Variants in NBAS observed in about 807,000 individuals in gnomAD.
NBAS encodes NBAS subunit of NRZ tethering complex, also known as NAG/BC035112 fusion.
Under a neutral mutation model 302.5 loss-of-function variants are expected in NBAS, and 219 were observed. The ratio of observed to expected loss-of-function variants is 0.72; its 90% CI spans 0.65 to 0.81. The LOEUF is 0.81. NBAS is among the 30% of genes least tolerant of loss of function. The pLI is 0.00. For synonymous variants in NBAS, 1,118 were observed against 1,021.6 expected (o/e 1.09, Z -1.80); for missense variants, 2,932 against 2,841.6 (o/e 1.03, Z -0.72).
the NBAS span, among the ~76,000 whole-genome samples, chr2:14,806,225 G>GA: frequency 6.6e-6 from 1 of 152,078 alleles, no homozygotes; most frequent in African/African-American, 2.4e-5. Flanking sequence ...ACCATACTTT[G>GA]AGAACCACCA....
At chr2:15,249,907 A>G (rs1572525631) in intron 44 of NBAS, among the ~76,000 whole-genome samples, 2 of 152,286 alleles carry the variant, frequency 1.3e-5, no homozygotes, top group African/African-American at 4.8e-5. Flanking sequence ...TACAGTTTCA[A>G]TGCTGTCACC....
the NBAS span, among the ~76,000 whole-genome samples, chr2:15,068,320 C>G: frequency 1.3e-5 from 2 of 152,130 alleles, no homozygotes; most frequent in Admixed American, 6.6e-5. Context: ...TTCATCGATG[C>G]CGAATTCAGT....
chr2:15,290,616 A>C (rs1191610032), intron 41 of NBAS, among the ~76,000 whole-genome samples: 1 of 152,214 alleles, frequency 6.6e-6, no homozygotes, highest in Admixed American at 6.5e-5. Context: ...TACTGGACTT[A>C]AGAAACCCAA....
At chr2:15,043,200 C>G in the NBAS span, among the ~76,000 whole-genome samples, 1 of 152,240 alleles carries the variant, frequency 6.6e-6, no homozygotes, top group African/African-American at 2.4e-5. Flanking sequence ...ACTCATCTGA[C>G]AGATGAGGAA....
At chr2:15,029,026 G>C in the NBAS span, among the ~76,000 whole-genome samples, 23 of 152,268 alleles carry the variant, frequency 1.5e-4, no homozygotes, top group Non-Finnish European at 3.2e-4. Context: ...TCCCTTATTA[G>C]TTTGTAGGCT....
chr2:14,803,568 A>AC, the NBAS span, among the ~76,000 whole-genome samples: 1 of 152,190 alleles, frequency 6.6e-6, no homozygotes, highest in African/African-American at 2.4e-5. Context: ...CTTAAAGATC[A>AC]CCATTGTTTC....
the NBAS span, among the ~76,000 whole-genome samples, chr2:15,059,976 C>CA: frequency 7.0e-4 from 45 of 64,152 alleles, no homozygotes; most frequent in Admixed American, 9.8e-4. Context: ...AAAAAAAAAA[C>CA]AAAAAAAAAA....
intron 11 of NBAS, among the ~76,000 whole-genome samples, chr2:15,503,712 G>A (rs1661695712): frequency 6.6e-6 from 1 of 152,094 alleles, no homozygotes; most frequent in Admixed American, 6.5e-5. Context: ...AGGGTCAGGA[G>A]GCACATTTCT....
chr2:15,202,157 T>C (rs535830119), intron 48 of NBAS, among the ~76,000 whole-genome samples: 2 of 152,300 alleles, frequency 1.3e-5, no homozygotes, highest in African/African-American at 4.8e-5. Flanking sequence ...AACAGGAATG[T>C]AGGCTCCCAA....
At chr2:15,187,407 T>A (rs753250007) in intron 49 of NBAS, among the ~76,000 whole-genome samples, 1 of 152,200 alleles carries the variant, frequency 6.6e-6, no homozygotes, top group African/African-American at 2.4e-5. Flanking sequence ...ATTGTTATTG[T>A]TATTGTAATG....
At position 15,511,335 on chromosome 2, in the gene NBAS, A is replaced by G. The variant is rs759402419; in HGVS notation, c.762T>C (p.Gly254=). 1 of 1,614,014 alleles carries G rather than the reference A, an allele frequency of 6.2e-7. No homozygotes were observed. Among genetic ancestry groups the G allele is most frequent in the South Asian group, 1.1e-5 (1 of 91,070 alleles). Residue 254 remains glycine, a synonymous_variant, in exon 10 of 52, where the codon GGT becomes GGC. Transcript: ENST00000281513. ...YHPGHRLLLV[G]GCETAEVGMS... ...TGCCTACTTCAGCAGTTTCACATCC[A>G]CCAACAAGTAAAAGTCTAAAAAGGA...
At chr2:15,548,714 C>T (rs560364370) in intron 6 of NBAS, among the ~76,000 whole-genome samples, 1 of 151,336 alleles carries the variant, frequency 6.6e-6, no homozygotes, top group East Asian at 1.9e-4. Flanking sequence ...TAGGCAGAAG[C>T]AACTAGATGG....
intron 32 of NBAS, among the ~76,000 whole-genome samples, chr2:15,364,932 GTAACAGA>G (rs1674125168): frequency 6.6e-6 from 1 of 152,148 alleles, no homozygotes; most frequent in Admixed American, 6.5e-5. Flanking sequence ...TCGTAAAGCA[GTAACAGA>G]TAACCAAAAC....
chr2:15,432,320 T>C (rs974324581), intron 21 of NBAS, among the ~76,000 whole-genome samples: 1 of 152,068 alleles, frequency 6.6e-6, no homozygotes, highest in Non-Finnish European at 1.5e-5. Flanking sequence ...AAATTATCTC[T>C]TTACAAAATA....
intron 11 of NBAS, among the ~76,000 whole-genome samples, chr2:15,500,069 G>C (rs1008838329): frequency 6.6e-6 from 1 of 152,178 alleles, no homozygotes; most frequent in Non-Finnish European, 1.5e-5. Context: ...AAACATTGCA[G>C]TAAAACTTCC....
intron 22 of NBAS, among the ~76,000 whole-genome samples, chr2:15,424,754 C>A (rs1677385821): frequency 6.6e-6 from 1 of 152,084 alleles, no homozygotes; most frequent in Admixed American, 6.5e-5. Flanking sequence ...CTAACAAAAT[C>A]AAAAATCACC....
chr2:15,050,942 C>T, the NBAS span, among the ~76,000 whole-genome samples: 1 of 152,112 alleles, frequency 6.6e-6, no homozygotes, highest in African/African-American at 2.4e-5. Flanking sequence ...GGGTGACTGC[C>T]CAGCCCTGGT....
the NBAS span, among the ~76,000 whole-genome samples, chr2:14,936,623 C>T: frequency 6.6e-6 from 1 of 152,214 alleles, no homozygotes; most frequent in Non-Finnish European, 1.5e-5. Context: ...TGGCCACAAC[C>T]TGATAAGGGT....
At chr2:15,511,174 GAC>G in intron 10 of NBAS, 36 bp downstream of exon 10, 2 of 1,612,756 alleles carry the variant, frequency 1.2e-6, no homozygotes, top group Non-Finnish European at 1.7e-6. Flanking sequence ...ACAGTGAAAT[GAC>G]ACATAGCAAA....
Sources: gnomAD v4.1 joint callset for allele counts (sites outside exome capture counted in the v4.1 genomes callset) on GRCh38, gnomAD v4.1.1 for gene constraint, MANE v1.5 for transcripts, NCBI Gene and HGNC (gene_info 2026-07-23, HGNC 2026-07-21) for gene names.